Variants in TLN2 observed in about 807,000 individuals in gnomAD.
TLN2 encodes talin-2.
Under a neutral mutation model 294.7 loss-of-function variants are expected in TLN2, and 118 were observed. That is an observed-to-expected ratio of 0.40 (90% CI 0.34 to 0.47). The LOEUF is 0.47. Among genes scored for constraint, TLN2 ranks in the 20% least tolerant of loss-of-function variants. The pLI is 0.84. For missense variants in TLN2, 3,083 were observed against 3,282.2 expected (o/e 0.94, Z 1.48); for synonymous variants, 1,431 against 1,304.5 (o/e 1.10, Z -2.09).
intron 1 of TLN2, among the ~76,000 whole-genome samples, chr15:62,425,307 G>T (rs2034648647): frequency 6.7e-6 from 1 of 149,740 alleles, no homozygotes; most frequent in Non-Finnish European, 1.5e-5. Flanking sequence ...GCTAGGGGAT[G>T]AGCACCCCTG....
At chr15:62,774,022 C>A (rs1007778131) in intron 42 of TLN2, among the ~76,000 whole-genome samples, 1 of 152,088 alleles carries the variant, frequency 6.6e-6, no homozygotes, top group African/African-American at 2.4e-5. Context: ...ATCCCCACCC[C>A]GCCCAATTCC....
intron 1 of TLN2, among the ~76,000 whole-genome samples, chr15:62,468,318 T>C (rs1488115420): frequency 2.0e-5 from 3 of 152,138 alleles, no homozygotes; most frequent in Non-Finnish European, 2.9e-5. Flanking sequence ...GACAAGGGTG[T>C]TGGCTGTGGG....
At chr15:62,723,183 G>A (rs1595789949) in intron 26 of TLN2, among the ~76,000 whole-genome samples, 1 of 152,196 alleles carries the variant, frequency 6.6e-6, no homozygotes, top group East Asian at 1.9e-4. Flanking sequence ...GGTAGAAGTT[G>A]ACTGAATTCT....
chr15:62,578,007 T>G (rs1011349840), intron 1 of TLN2, among the ~76,000 whole-genome samples: 1 of 152,204 alleles, frequency 6.6e-6, no homozygotes, highest in African/African-American at 2.4e-5. Flanking sequence ...TCCATGTCCC[T>G]ATAAAGGACA....
chr15:62,725,904 G>A (rs960310663), intron 27 of TLN2, among the ~76,000 whole-genome samples: 5 of 152,134 alleles, frequency 3.3e-5, no homozygotes, highest in African/African-American at 7.2e-5. Context: ...AATGTAAAGG[G>A]GACTTCAGGC....
At chr15:62,671,678 T>C (rs912496490) in intron 9 of TLN2, among the ~76,000 whole-genome samples, 4 of 152,256 alleles carry the variant, frequency 2.6e-5, no homozygotes, top group African/African-American at 7.2e-5. Flanking sequence ...TCTTTGTTAC[T>C]ATGGCTTTGT....
chr15:62,803,685 A>G (rs1189127891), intron 50 of TLN2, among the ~76,000 whole-genome samples: 1 of 152,200 alleles, frequency 6.6e-6, no homozygotes, highest in Non-Finnish European at 1.5e-5. Flanking sequence ...TGCTAAATTC[A>G]TCTGATAGGA....
At chr15:62,533,190 G>T (rs1226160237) in intron 1 of TLN2, among the ~76,000 whole-genome samples, 1 of 140,692 alleles carries the variant, frequency 7.1e-6, no homozygotes, top group Non-Finnish European at 1.5e-5. Flanking sequence ...GGAGGCAGAG[G>T]TTACAGTGAG....
chr15:62,536,087 T>C (rs1042227788), intron 1 of TLN2, among the ~76,000 whole-genome samples: 4 of 152,212 alleles, frequency 2.6e-5, no homozygotes, highest in Non-Finnish European at 5.9e-5. Flanking sequence ...TGAAATCCAG[T>C]ATCTTAAATA....
In TLN2 at chr15:62,708,602, A is replaced by G; in HGVS notation, c.2273A>G (p.Gln758Arg). The G allele has an allele frequency of 1.9e-6, 3 of 1,614,204 alleles. No individual in the cohort carries two copies. The highest frequency in any genetic ancestry group is 1.1e-5 in the South Asian group (1 of 91,078). ...GTGGAGAACTGTGTCCGTGCCTGCC[A>G]GGCGGCCACTACCGATAGTGAGCTC... ...RSVENCVRAC[Q>R]AATTDSELLK... The change falls in exon 21 of 59, where the codon CAG (glutamine) becomes CGG (arginine). Residue 758 changes from glutamine to arginine, a missense_variant. Physicochemically the swap from Gln to Arg is conservative, Grantham distance 43. Coordinates refer to ENST00000636159, the MANE Select transcript of TLN2 (RefSeq NM_015059.3).
At chr15:62,620,816 CT>C (rs910829682) in intron 3 of TLN2, among the ~76,000 whole-genome samples, 116 of 133,730 alleles carry the variant, frequency 8.7e-4, no homozygotes, top group Non-Finnish European at 1.5e-3. Flanking sequence ...AAACCTGCTT[CT>C]TTTTTTTTTC....
intron 1 of TLN2, among the ~76,000 whole-genome samples, chr15:62,473,844 A>G (rs1231336456): frequency 6.6e-6 from 1 of 152,252 alleles, no homozygotes; most frequent in Admixed American, 6.5e-5. Context: ...CTGTAATCCC[A>G]GCACTTTGGG....
intron 5 of TLN2, 78 bp from the exon 6 acceptor site, chr15:62,651,927 T>G (rs376074243): frequency 2.1e-6 from 3 of 1,432,386 alleles, no homozygotes; most frequent in Admixed American, 2.3e-5. Flanking sequence ...TTAAAATTCA[T>G]TTTTTAAAGA....
intron 46 of TLN2, among the ~76,000 whole-genome samples, chr15:62,795,736 G>T (rs1010538847): frequency 7.2e-5 from 11 of 152,166 alleles, no homozygotes; most frequent in African/African-American, 2.4e-4. Flanking sequence ...CCTTTCTCCC[G>T]TTCTGTGGTT....
At chr15:62,680,287 C>G (rs2056699651) in intron 11 of TLN2, among the ~76,000 whole-genome samples, 4 of 152,108 alleles carry the variant, frequency 2.6e-5, no homozygotes, top group Admixed American at 6.5e-5. Flanking sequence ...TCTGTTAAGT[C>G]TTTTAACCCA....
At chr15:62,553,989 A>G (rs114223895) in intron 1 of TLN2, among the ~76,000 whole-genome samples, 1,797 of 151,046 alleles carry the variant, frequency 0.012, 45 homozygotes, top group African/African-American at 0.04. Flanking sequence ...ACACAGATTC[A>G]GTCTTGCAGT....
rs184512210 is a variant in TLN2, at chr15:62,616,276, C to T, written c.-161-2075C>T. Among the ~76,000 whole-genome samples, 109 of 152,304 alleles carry T rather than the reference C, an allele frequency of 7.2e-4. 3 individuals are homozygous for T. The East Asian group carries it at 0.019, about 27-fold the overall frequency. ...TGGGTTATACGAATGCCCATATGAACACTGTATATGCTCTTATGTCATGTC... is the reference window on the plus strand; with the variant it reads ...TGGGTTATACGAATGCCCATATGAATACTGTATATGCTCTTATGTCATGTC... On this transcript the variant is annotated intron_variant, in intron 2 of 58. Coordinates refer to ENST00000636159, the MANE Select transcript of TLN2 (RefSeq NM_015059.3).
chr15:62,592,338 T>C lies in TLN2; in HGVS notation c.-162+2576T>C, dbSNP rs568597278. Among the ~76,000 whole-genome samples, 34 of 152,342 alleles carry C rather than the reference T, an allele frequency of 2.2e-4. 1 individual carries two copies. The South Asian group carries it at 6.9e-3, about 31-fold the overall frequency. ...CATTTGTCTTAACATTCTGATTTTCTGGGAAACCCAAATGAAATTTGACAG... is the reference window on the plus strand; with the variant it reads ...CATTTGTCTTAACATTCTGATTTTCCGGGAAACCCAAATGAAATTTGACAG... On this transcript the variant is annotated intron_variant, in intron 2 of 58. Transcript: ENST00000636159.
chr15:62,430,710 C>A (rs977912610), intron 1 of TLN2, among the ~76,000 whole-genome samples: 69 of 152,120 alleles, frequency 4.5e-4, no homozygotes, highest in African/African-American at 1.6e-3. Flanking sequence ...AACCCCATGT[C>A]GATCATGAGT....
Sources: allele counts gnomAD v4.1 joint callset (sites outside exome capture counted in the v4.1 genomes callset), GRCh38; gene constraint gnomAD v4.1.1; transcripts MANE v1.5; gene names NCBI Gene and HGNC (gene_info 2026-07-23, HGNC 2026-07-21).